NEK9: variants seen among roughly 807,000 people sequenced by gnomAD.
NEK9 encodes the protein serine/threonine-protein kinase Nek9.
In NEK9, 75 loss-of-function variants were observed where a neutral mutation model predicts 123.4. The ratio of observed to expected loss-of-function variants is 0.61; its 90% CI spans 0.50 to 0.74. The LOEUF (loss-of-function observed/expected upper bound fraction) is 0.74, where lower values mean the gene tolerates loss of function less well. NEK9 is among the 30% of genes least tolerant of loss of function. The probability of loss-of-function intolerance (pLI) is 0.00; values close to 1 mark genes in which losing one functional copy is unlikely to be tolerated. For missense variants in NEK9, 952 were observed against 1,214.4 expected, an observed-to-expected ratio of 0.78 and a Z score of 3.21; for synonymous variants, 438 against 458.7, an observed-to-expected ratio of 0.95 and a Z score of 0.58.
intron 20 of NEK9, 113 bp downstream of exon 20, chr14:75,088,367 G>A: frequency 1.0e-6 from 1 of 980,798 alleles, no homozygotes; most frequent in South Asian, 1.5e-5. Flanking sequence ...ACAGTATAAT[G>A]AGTTGATGCA....
At position 75,103,952 on chromosome 14, in the gene NEK9, A is replaced by G; in HGVS notation, c.1621T>C (p.Cys541Arg). 2 of 1,614,182 alleles carry G rather than the reference A, an allele frequency of 1.2e-6. No homozygotes were observed. The highest frequency in any genetic ancestry group is 1.7e-6 in the Non-Finnish European group (2 of 1,180,030). The change falls in exon 14 of 22, where the codon TGT (cysteine) becomes CGT (arginine). Residue 541 changes from cysteine (C) to arginine (R), a missense_variant. Coordinates refer to ENST00000238616, the MANE Select transcript of NEK9 (RefSeq NM_033116.6). The stretch of plus-strand genomic sequence containing the variant: ...TGGGTCAACAGAAATGTCCCATCAC[A>G]GCCACATTGAACTGCAACAATAATC... ...ALIIVAVQCG[C>R]DGTFLLTQSG... is the part of the protein sequence containing the mutation.
intron 10 of NEK9, among the ~76,000 whole-genome samples, chr14:75,109,130 T>A (rs982308263): frequency 6.6e-6 from 1 of 152,152 alleles, no homozygotes; most frequent in African/African-American, 2.4e-5. Context: ...GAAGCTGCAT[T>A]GTAGGTGAAT....
Position 75,110,329 on chromosome 14 carries a change from C to T in NEK9, c.981G>A (p.Lys327=). 1 of 1,612,874 alleles carries T rather than the reference C, an allele frequency of 6.2e-7. No individual in the cohort carries two copies. The highest frequency in any genetic ancestry group is 8.5e-7 in the Non-Finnish European group (1 of 1,179,000). Residue 327 remains lysine (K), a synonymous_variant, in exon 9 of 22, where the codon AAG becomes AAA. Transcript: ENST00000238616. The stretch of plus-strand genomic sequence containing the variant: ...AGTCTCTTGAACATTACCTTGGTCT[C>T]TTTGTAGGTGCATTAAGCAGAGTGA... ...EKVTLLNAPT[K]RPRSSTVTEA...
chr14:75,090,909 C>T (rs984026632), intron 19 of NEK9, among the ~76,000 whole-genome samples: 13 of 152,144 alleles, frequency 8.5e-5, no homozygotes, highest in African/African-American at 1.4e-4. Context: ...CTTTCATCAA[C>T]CATTTTCCTA....
chr14:75,086,763 G>A (rs534207006), intron 21 of NEK9: 9 of 394,678 alleles, frequency 2.3e-5, no homozygotes, highest in African/African-American at 1.0e-4. Flanking sequence ...AAAATTAGCC[G>A]GGCATGGTGG....
chr14:75,125,097 C>A (rs1268486424), intron 1 of NEK9, among the ~76,000 whole-genome samples: 1 of 152,038 alleles, frequency 6.6e-6, no homozygotes, highest in Non-Finnish European at 1.5e-5. Context: ...ACCCTGCTTC[C>A]TAGCCCAGGA....
rs1221293863 is a variant in NEK9 at position 75,103,922 on chromosome 14, C to T, written c.1651G>A (p.Gly551Ser). The change falls in exon 14 of 22, where the codon GGC becomes AGC. Residue 551 changes from glycine (G) to serine (S), a missense_variant. Coordinates refer to ENST00000238616, the MANE Select transcript of NEK9 (RefSeq NM_033116.6). ...TTGAGTCCACAGGCCAGCACTTTGC[C>T]TGACTGGGTCAACAGAAATGTCCCA... is the stretch of plus-strand genomic sequence containing the variant. ...CDGTFLLTQS[G>S]KVLACGLNEF... is the part of the protein sequence containing the mutation. 6.2e-7 allele frequency: 1 copy of T among 1,614,170 alleles called. No homozygotes were observed. Among genetic ancestry groups the T allele is most frequent in the Non-Finnish European group, 8.5e-7 (1 of 1,180,034 alleles).
chr14:75,103,724 CTA>C, intron 14 of NEK9, 116 bp downstream of exon 14: 1 of 1,112,180 alleles, frequency 9.0e-7, no homozygotes, highest in Non-Finnish European at 1.3e-6. Flanking sequence ...CACACAATGC[CTA>C]TGAGACCATA....
chr14:75,084,353 T>A lies in NEK9; in HGVS notation c.*211A>T. ...GACAAAGCCAGGGCCATGGGGGCCC[T>A]TCCATTCTCCAAAACAATAAAATCA... On this transcript the variant is annotated 3_prime_UTR_variant, in exon 22 of 22. Coordinates refer to ENST00000238616, the MANE Select transcript of NEK9 (RefSeq NM_033116.6). The A allele has an allele frequency of 1.7e-6, 1 of 599,164 alleles. No individual in the cohort carries two copies. Among genetic ancestry groups the A allele is most frequent in the Admixed American group, 2.5e-5 (1 of 39,532 alleles). 37.1% of individuals were successfully genotyped at this position (599,164 alleles called of 1,614,324 possible).
At position 75,082,930 on chromosome 14, in the gene NEK9, T is replaced by C; in HGVS notation, c.*1634A>G. 2.5e-6 allele frequency: 1 copy of C among 398,636 alleles called. No homozygotes were observed. Among genetic ancestry groups the C allele is most frequent in the Non-Finnish European group, 4.4e-6 (1 of 226,068 alleles). 24.7% of individuals were successfully genotyped at this position (398,636 alleles called of 1,614,324 possible). A position where few individuals can be genotyped will look rare whatever the true frequency, so the allele number is the denominator to read the frequency against. On this transcript the variant is annotated 3_prime_UTR_variant, in exon 22 of 22. Transcript: ENST00000238616. ...TCAAGAAAAGGTTTCAGTGATTACATTAGTACTAATGTACTAGGCTTCCCA... is the reference window on the plus strand; with the variant it reads ...TCAAGAAAAGGTTTCAGTGATTACACTAGTACTAATGTACTAGGCTTCCCA...
In NEK9 at chr14:75,127,020, A is replaced by C; in HGVS notation, c.-99T>G. 2 of 1,030,040 alleles carry C rather than the reference A, an allele frequency of 1.9e-6. No homozygotes were observed. The highest frequency in any genetic ancestry group is 6.5e-5 in the East Asian group (2 of 30,576). 63.8% of individuals were successfully genotyped at this position (1,030,040 alleles called of 1,614,324 possible). A position where few individuals can be genotyped will look rare whatever the true frequency, so the allele number is the denominator to read the frequency against. On this transcript the variant is annotated 5_prime_UTR_variant, in exon 1 of 22. Transcript: ENST00000238616. ...TCAGATGCCGGCCCGCGGATCCGTC[A>C]GCCCAGCAACCCCGCGAAGCTCGAT...
rs570968822 is a variant in NEK9 at position 75,080,166 on chromosome 14, C to G, written c.*4398G>C. The G allele has an allele frequency of 6.6e-6, 1 of 151,992 alleles. No homozygotes were observed. Among genetic ancestry groups the G allele is most frequent in the Non-Finnish European group, 1.5e-5 (1 of 68,036 alleles). 9.4% of individuals were successfully genotyped at this position (151,992 alleles called of 1,614,324 possible). On this transcript the variant is annotated 3_prime_UTR_variant, in exon 22 of 22. Coordinates refer to ENST00000238616, the MANE Select transcript of NEK9 (RefSeq NM_033116.6). Reference sequence around the variant, plus strand: ...CCAACATGGTGAAACCCCGTCTCTACTAAAAATACAAAAATTAGCTGGGCG... The same window carrying G: ...CCAACATGGTGAAACCCCGTCTCTAGTAAAAATACAAAAATTAGCTGGGCG...
At position 75,124,031 on chromosome 14, in the gene NEK9, T is replaced by C. The variant is rs761394747; in HGVS notation, c.397+15A>G. ...GAAAGTCTTGCTGGAAAAGTCCCAC[T>C]GAACTCTATCTTACCATTACAATAT... On this transcript the variant is annotated intron_variant, in intron 2 of 21. Transcript: ENST00000238616. 4 of 1,596,210 alleles carry C rather than the reference T, an allele frequency of 2.5e-6. No individual in the cohort carries two copies. Among genetic ancestry groups the C allele is most frequent in the South Asian group, 2.2e-5 (2 of 90,324 alleles).
chr14:75,082,967 A>AC lies in NEK9; in HGVS notation c.*1596dup, dbSNP rs1893910668. ...TACTAGGCTTCCCAGAACTGAGAAA[A>AC]CAATGGGAACATCAAACCAAAGAAG... On this transcript the variant is annotated 3_prime_UTR_variant, in exon 22 of 22. Coordinates refer to ENST00000238616, the MANE Select transcript of NEK9 (RefSeq NM_033116.6). 1 of 398,512 alleles carries AC rather than the reference A, an allele frequency of 2.5e-6. No homozygotes were observed. The highest frequency in any genetic ancestry group is 4.4e-5 in the Admixed American group (1 of 22,716). 24.7% of individuals were successfully genotyped at this position (398,512 alleles called of 1,614,324 possible).
rs114124053 is a variant in NEK9, at chr14:75,108,086, G to A, written c.1183-599C>T. Reference sequence around the variant, plus strand: ...AGAATCTGGCTACATCAAAGAGGCTGCTATACAGCAATGAGACTAGTCCTT... The same window carrying A: ...AGAATCTGGCTACATCAAAGAGGCTACTATACAGCAATGAGACTAGTCCTT... On this transcript the variant is annotated intron_variant, in intron 10 of 21. Coordinates refer to ENST00000238616, the MANE Select transcript of NEK9 (RefSeq NM_033116.6). Among the ~76,000 whole-genome samples, 604 of 151,820 alleles carry A rather than the reference G, an allele frequency of 4.0e-3. 4 individuals carry two copies. Among genetic ancestry groups the A allele is most frequent in the African/African-American group, 0.014 (582 of 41,388 alleles).
At chr14:75,108,844 T>C (rs1290589536) in intron 10 of NEK9, among the ~76,000 whole-genome samples, 1 of 152,108 alleles carries the variant, frequency 6.6e-6, no homozygotes, top group African/African-American at 2.4e-5. Context: ...TGTGAGCCAC[T>C]ACGCCCAGCC....
chr14:75,125,885 A>T (rs1327293170), intron 1 of NEK9, among the ~76,000 whole-genome samples: 1 of 152,172 alleles, frequency 6.6e-6, no homozygotes. Flanking sequence ...TTTATGATCA[A>T]ATCTAGTGTA....
chr14:75,091,399 A>T lies in NEK9; in HGVS notation c.2313T>A (p.Thr771=). ...CTCGGAAGCCTCCACTTGGGTCAGG[A>T]GTTTCAGATTCCTGCTGACTGTCCT... is the stretch of plus-strand genomic sequence containing the variant. The part of the protein sequence containing the change: ...EEEDSQQESE[T]PDPSGGFRGT... Residue 771 remains threonine, a synonymous_variant, in exon 19 of 22, where the codon ACT becomes ACA. Transcript: ENST00000238616. The T allele has an allele frequency of 6.2e-7, 1 of 1,613,700 alleles. No individual in the cohort carries two copies. The highest frequency in any genetic ancestry group is 1.3e-5 in the African/African-American group (1 of 75,026).
At chr14:75,085,506 C>T (rs975918602) in intron 21 of NEK9, among the ~76,000 whole-genome samples, 4 of 152,098 alleles carry the variant, frequency 2.6e-5, no homozygotes, top group Admixed American at 6.5e-5. Context: ...GCATGGCTCT[C>T]GAAAAATAAT....
Sources: gnomAD v4.1 joint callset for allele counts (sites outside exome capture counted in the v4.1 genomes callset) on GRCh38, gnomAD v4.1.1 for gene constraint, MANE v1.5 for transcripts, NCBI Gene and HGNC (gene_info 2026-07-23, HGNC 2026-07-21) for gene names.